The following ESRRG variants were observed in gnomAD, a reference collection of about 807,000 sequenced individuals.
ESRRG encodes the protein estrogen-related receptor gamma.
A neutral mutation model predicts 44.0 loss-of-function variants in ESRRG; 13 were observed. The observed-to-expected ratio is 0.30, with a 90% CI of 0.19 to 0.47. The LOEUF is 0.47. Among genes scored for constraint, ESRRG ranks in the 20% least tolerant of loss-of-function variants. The pLI, the probability that ESRRG is intolerant of heterozygous loss-of-function variation, is 1.00. For missense variants in ESRRG, 395 were observed against 580.6 expected, an observed-to-expected ratio of 0.68 and a Z score of 3.29; for synonymous variants, 215 against 214.6, an observed-to-expected ratio of 1.00 and a Z score of -0.02.
intron 1 of ESRRG, among the ~76,000 whole-genome samples, chr1:216,994,342 CCAT>C (rs2076097039): frequency 6.6e-6 from 1 of 152,154 alleles, no homozygotes; most frequent in African/African-American, 2.4e-5. Context: ...CAAATACCAA[CCAT>C]CATCTTGGAG....
chr1:217,059,915 A>T (rs573028508), intron 1 of ESRRG, among the ~76,000 whole-genome samples: 145 of 152,072 alleles, frequency 9.5e-4, no homozygotes, highest in Non-Finnish European at 1.7e-3. Context: ...AATGGGAAAG[A>T]CTAGACTAGA....
intron 2 of ESRRG, among the ~76,000 whole-genome samples, chr1:216,755,148 G>A (rs1017562767): frequency 1.8e-4 from 28 of 151,928 alleles, no homozygotes; most frequent in Non-Finnish European, 4.0e-4. Context: ...TGTTTTCTTT[G>A]AATAAGATAT....
intron 3 of ESRRG, among the ~76,000 whole-genome samples, chr1:216,646,114 A>G (rs2067520530): frequency 6.6e-6 from 1 of 151,872 alleles, no homozygotes; most frequent in African/African-American, 2.4e-5. Flanking sequence ...TTCACCTCGA[A>G]TATTGTTAGT....
chr1:216,879,239 C>T (rs2096404137), intron 2 of ESRRG, among the ~76,000 whole-genome samples: 1 of 152,064 alleles, frequency 6.6e-6, no homozygotes, highest in Non-Finnish European at 1.5e-5. Context: ...TGCACTGAAG[C>T]TCAACTTTTT....
intron 1 of ESRRG, among the ~76,000 whole-genome samples, chr1:217,006,477 CAGTT>C (rs1473965870): frequency 1.3e-5 from 2 of 152,100 alleles, no homozygotes; most frequent in African/African-American, 4.8e-5. Flanking sequence ...CATTGCACTA[CAGTT>C]ACGTTGGAAC....
At chr1:217,048,620 T>C (rs2085332389) in intron 1 of ESRRG, among the ~76,000 whole-genome samples, 1 of 152,094 alleles carries the variant, frequency 6.6e-6, no homozygotes, top group Non-Finnish European at 1.5e-5. Flanking sequence ...CCCAACTGGG[T>C]AGATAACTCT....
chr1:217,063,070 T>C (rs1580279628), intron 1 of ESRRG, among the ~76,000 whole-genome samples: 1 of 152,290 alleles, frequency 6.6e-6, no homozygotes, highest in East Asian at 1.9e-4. Flanking sequence ...CGGGGTTTTA[T>C]ATATTGTTAC....
chr1:217,031,079 T>C (rs1206099254), intron 1 of ESRRG, among the ~76,000 whole-genome samples: 1 of 152,244 alleles, frequency 6.6e-6, no homozygotes, highest in African/African-American at 2.4e-5. Flanking sequence ...AGGCCAAATC[T>C]AGTCAATGGT....
chr1:217,009,698 TTTTC>T (rs2078258715), intron 1 of ESRRG, among the ~76,000 whole-genome samples: 1 of 147,182 alleles, frequency 6.8e-6, no homozygotes, highest in Non-Finnish European at 1.5e-5. Flanking sequence ...TCCTTTTTCT[TTTTC>T]TTTTTTTTTT....
At chr1:216,783,170 A>T (rs890471090) in intron 2 of ESRRG, among the ~76,000 whole-genome samples, 1 of 151,834 alleles carries the variant, frequency 6.6e-6, no homozygotes, top group African/African-American at 2.4e-5. Flanking sequence ...AGAACTTAGA[A>T]ATTATTTCCT....
At chr1:217,041,798 A>T (rs1215062843) in intron 1 of ESRRG, among the ~76,000 whole-genome samples, 1 of 152,176 alleles carries the variant, frequency 6.6e-6, no homozygotes, top group Non-Finnish European at 1.5e-5. Flanking sequence ...TTAGAATTAG[A>T]TATTGGTCTG....
intron 2 of ESRRG, among the ~76,000 whole-genome samples, chr1:216,734,533 G>A (rs999176067): frequency 6.1e-4 from 93 of 152,120 alleles, no homozygotes; most frequent in African/African-American, 2.2e-3. Context: ...CATGTGATAT[G>A]CCTCTGCCCC....
intron 3 of ESRRG, among the ~76,000 whole-genome samples, chr1:216,569,158 GAGGGAAGGGAAGGGA>G (rs1287968465): frequency 2.0e-5 from 1 of 48,946 alleles, no homozygotes; most frequent in Non-Finnish European, 4.4e-5. Context: ...AGTGGAAGAG[GAGGGAAGGGAAGGGA>G]AGGGAAGGGA....
intron 1 of ESRRG, among the ~76,000 whole-genome samples, chr1:216,976,286 A>ATGTGTTTG (rs2072871938): frequency 6.8e-6 from 1 of 146,870 alleles, no homozygotes; most frequent in Non-Finnish European, 1.5e-5. Context: ...ATGCTCCTAA[A>ATGTGTTTG]TGTGTGTGTG....
chr1:216,702,948 G>T (rs992529786), intron 1 of ESRRG, among the ~76,000 whole-genome samples: 3 of 152,054 alleles, frequency 2.0e-5, no homozygotes, highest in African/African-American at 7.2e-5. Flanking sequence ...TGCTCAGGAG[G>T]ATTCTTGCCA....
At chr1:216,808,717 C>G (rs1348171837) in intron 2 of ESRRG, among the ~76,000 whole-genome samples, 1 of 152,068 alleles carries the variant, frequency 6.6e-6, no homozygotes, top group Non-Finnish European at 1.5e-5. Context: ...AACCACCATG[C>G]CTGGCCTGAA....
chr1:216,678,114 A>G (rs187233400), intron 1 of ESRRG, among the ~76,000 whole-genome samples: 2 of 152,334 alleles, frequency 1.3e-5, no homozygotes, highest in Admixed American at 1.3e-4. Flanking sequence ...TATATCCTCA[A>G]TCACTTTGTT....
intron 5 of ESRRG, among the ~76,000 whole-genome samples, chr1:216,554,174 G>A (rs907550236): frequency 7.2e-5 from 11 of 151,944 alleles, no homozygotes; most frequent in Non-Finnish European, 1.3e-4. Flanking sequence ...ATCATTTGAG[G>A]CTGAGCGCAG....
chr1:217,110,083 A>T (rs1431330052), intron 1 of ESRRG, among the ~76,000 whole-genome samples: 1 of 152,072 alleles, frequency 6.6e-6, no homozygotes, highest in African/African-American at 2.4e-5. Context: ...CATCATCTGG[A>T]ACACAGTCAC....
Sources: allele counts gnomAD v4.1 joint callset (sites outside exome capture counted in the v4.1 genomes callset), GRCh38; gene constraint gnomAD v4.1.1; transcripts MANE v1.5; gene names NCBI Gene and HGNC (gene_info 2026-07-23, HGNC 2026-07-21).